The following SYNPO2 variants were observed in gnomAD, a reference collection of about 807,000 sequenced individuals.
SYNPO2 encodes the protein synaptopodin 2, also known as synaptopodin-2.
In SYNPO2, 56 loss-of-function variants were observed where a neutral mutation model predicts 85.0. That is an observed-to-expected ratio of 0.66 (90% CI 0.53 to 0.82). SYNPO2 has a LOEUF of 0.82. Ranked by LOEUF, SYNPO2 falls within the 40% of genes least tolerant of loss-of-function variation. The probability of loss-of-function intolerance (pLI) is 0.00; values close to 1 mark genes in which losing one functional copy is unlikely to be tolerated. For missense variants in SYNPO2, 1,575 were observed against 1,534.2 expected, an observed-to-expected ratio of 1.03 and a Z score of -0.44; for synonymous variants, 602 against 591.1, an observed-to-expected ratio of 1.02 and a Z score of -0.27.
intron 1 of SYNPO2, among the ~76,000 whole-genome samples, chr4:118,918,055 T>C (rs1276887016): frequency 6.6e-6 from 1 of 152,146 alleles, no homozygotes; most frequent in Non-Finnish European, 1.5e-5. Context: ...AGGTGAAGAG[T>C]GCCTGCTGCA....
Position 119,024,308 on chromosome 4 carries a change from A to T in SYNPO2, c.257+727A>T, listed in dbSNP as rs369598108. 9.8e-5 allele frequency among the ~76,000 whole-genome samples: 15 copies of T among 152,356 alleles called. No homozygotes were observed. In the East Asian group the frequency reaches 2.5e-3, roughly 25 times the overall value. ...CAGTACAATCCATACTGATTTTGCAACGGAAGCTCTGGCTATTGCATGATA... is the reference window on the plus strand; with the variant it reads ...CAGTACAATCCATACTGATTTTGCATCGGAAGCTCTGGCTATTGCATGATA... On this transcript the variant is annotated intron_variant, in intron 2 of 4. Coordinates refer to ENST00000307142, the MANE Select transcript of SYNPO2 (RefSeq NM_133477.3).
intron 4 of SYNPO2, among the ~76,000 whole-genome samples, chr4:119,046,855 C>T (rs570350314): frequency 5.0e-4 from 76 of 152,264 alleles, no homozygotes; most frequent in Non-Finnish European, 9.0e-4. Context: ...ACAAGCCTTA[C>T]GCTTTCTCAC....
intron 1 of SYNPO2, among the ~76,000 whole-genome samples, chr4:118,916,559 T>G (rs1733332315): frequency 1.1e-5 from 1 of 91,402 alleles, no homozygotes; most frequent in Non-Finnish European, 2.9e-5. Context: ...AACCTATTAC[T>G]TACTATTAGA....
At chr4:118,895,055 C>T (rs1732508345) in intron 1 of SYNPO2, among the ~76,000 whole-genome samples, 1 of 152,154 alleles carries the variant, frequency 6.6e-6, no homozygotes. Flanking sequence ...GGAGTGTCAA[C>T]TCATTCCATT....
chr4:119,022,662 A>G (rs1264161527), intron 1 of SYNPO2, among the ~76,000 whole-genome samples: 1 of 106,246 alleles, frequency 9.4e-6, no homozygotes, highest in African/African-American at 3.1e-5. Context: ...GGCCTGAATT[A>G]TTTATTTTAT....
At chr4:118,855,645 ATAAT>A (rs562848306) in intron 1 of SYNPO2, among the ~76,000 whole-genome samples, 3 of 152,324 alleles carry the variant, frequency 2.0e-5, no homozygotes, top group South Asian at 2.1e-4. Context: ...GCCATACAAA[ATAAT>A]TAGACTATAG....
chr4:118,869,143 A>C (rs6837460), intron 1 of SYNPO2, among the ~76,000 whole-genome samples: 1 of 151,900 alleles, frequency 6.6e-6, no homozygotes, highest in Admixed American at 6.6e-5. Flanking sequence ...GGCAACCTCC[A>C]CCTCCCAGGT....
chr4:118,911,584 C>T (rs183238393), intron 1 of SYNPO2, among the ~76,000 whole-genome samples: 2 of 152,160 alleles, frequency 1.3e-5, no homozygotes, highest in East Asian at 3.9e-4. Context: ...TGGCAAGTTC[C>T]CATGATAGCA....
chr4:118,854,034 C>A (rs1366682890), intron 1 of SYNPO2, among the ~76,000 whole-genome samples: 1 of 152,106 alleles, frequency 6.6e-6, no homozygotes, highest in Non-Finnish European at 1.5e-5. Context: ...AGCAATGAAC[C>A]AAAAGCTAAG....
chr4:119,030,500 G>A lies in SYNPO2; in HGVS notation c.1725G>A (p.Glu575=), dbSNP rs1011709307. 2 of 1,613,976 alleles carry A rather than the reference G, an allele frequency of 1.2e-6. No individual in the cohort carries two copies. Among genetic ancestry groups the A allele is most frequent in the Admixed American group, 3.3e-5 (2 of 60,004 alleles). The part of the protein sequence containing the change: ...PQQNGFSGTS[E]TANIQRMVPM... ...AGAATGGCTTCAGTGGGACATCTGAGACAGCAAACATCCAGAGGATGGTCC... is the reference window on the plus strand; with the variant it reads ...AGAATGGCTTCAGTGGGACATCTGAAACAGCAAACATCCAGAGGATGGTCC... The change falls in exon 4 of 5, where the codon GAG becomes GAA. Residue 575 remains glutamate, a synonymous_variant. Coordinates refer to ENST00000307142, the MANE Select transcript of SYNPO2 (RefSeq NM_133477.3).
Position 119,031,724 on chromosome 4 carries a change from T to C in SYNPO2, c.2949T>C (p.Asp983=), listed in dbSNP as rs142419460. ...NASLFTFQPP[D]AKDGLPQKSS... is the part of the protein sequence containing the mutation. ...CCTTGTTTACTTTCCAACCTCCAGA[T>C]GCAAAGGATGGCCTCCCCCAGAAGT... is the stretch of plus-strand genomic sequence containing the variant. Residue 983 remains aspartate, a synonymous_variant, in exon 4 of 5, where the codon GAT becomes GAC. Transcript: ENST00000307142. The C allele has an allele frequency of 6.8e-6, 11 of 1,614,086 alleles. No homozygotes were observed. Among genetic ancestry groups the C allele is most frequent in the Non-Finnish European group, 8.5e-6 (10 of 1,180,048 alleles).
rs1739290365 is a variant in SYNPO2 at position 119,058,463 on chromosome 4, A to AATT, written c.*529_*530insATT. ...CCTTGGTGTTAAGTATTTCTCTGCAACTTTTTTTTTTTTTTTTTTTTTTTT... is the reference window on the plus strand; with the variant it reads ...CCTTGGTGTTAAGTATTTCTCTGCAAATTCTTTTTTTTTTTTTTTTTTTTTTTT... On this transcript the variant is annotated 3_prime_UTR_variant, in exon 5 of 5. Transcript: ENST00000307142. 1 of 98,776 alleles carries AATT rather than the reference A, an allele frequency of 1.0e-5. No homozygotes were observed. The highest frequency in any genetic ancestry group is 1.9e-5 in the Non-Finnish European group (1 of 53,292). The allele number at this position is 98,776 out of a possible 1,614,324, so 6.1% of individuals were successfully genotyped here.
At chr4:118,920,354 A>G (rs1325710110) in intron 1 of SYNPO2, among the ~76,000 whole-genome samples, 1 of 152,160 alleles carries the variant, frequency 6.6e-6, no homozygotes, top group Non-Finnish European at 1.5e-5. Flanking sequence ...AGCTCAGGAA[A>G]AGGGAAGGAC....
At chr4:118,945,426 A>G (rs1734466237) in intron 1 of SYNPO2, among the ~76,000 whole-genome samples, 1 of 152,230 alleles carries the variant, frequency 6.6e-6, no homozygotes, top group Non-Finnish European at 1.5e-5. Flanking sequence ...AAAACACACT[A>G]ACTATATCTT....
intron 1 of SYNPO2, among the ~76,000 whole-genome samples, chr4:118,858,114 T>A (rs571995567): frequency 6.6e-6 from 1 of 152,244 alleles, no homozygotes; most frequent in South Asian, 2.1e-4. Context: ...TCCTTTACAA[T>A]CCTCCTTCAT....
At chr4:118,920,257 T>C (rs1389459322) in intron 1 of SYNPO2, among the ~76,000 whole-genome samples, 115 of 152,126 alleles carry the variant, frequency 7.6e-4, no homozygotes, top group Non-Finnish European at 7.4e-5. Flanking sequence ...TAAGGAAAGA[T>C]AAGGAGTTTA....
At chr4:118,920,715 G>A (rs1733504207) in intron 1 of SYNPO2, among the ~76,000 whole-genome samples, 1 of 152,080 alleles carries the variant, frequency 6.6e-6, no homozygotes, top group South Asian at 2.1e-4. Flanking sequence ...GAACAATTTT[G>A]CTGAGGTTAA....
chr4:119,010,265 T>A (rs1414501971), intron 1 of SYNPO2, among the ~76,000 whole-genome samples: 1 of 152,202 alleles, frequency 6.6e-6, no homozygotes, highest in Non-Finnish European at 1.5e-5. Context: ...GATAAAGACA[T>A]ACCCGAGACT....
chr4:118,907,291 G>T (rs1208182720), intron 1 of SYNPO2, among the ~76,000 whole-genome samples: 1 of 152,004 alleles, frequency 6.6e-6, no homozygotes, highest in Non-Finnish European at 1.5e-5. Context: ...TCAAACTTTG[G>T]ATCCAATATG....
Sources: gnomAD v4.1 joint callset for allele counts (sites outside exome capture counted in the v4.1 genomes callset) on GRCh38, gnomAD v4.1.1 for gene constraint, MANE v1.5 for transcripts, NCBI Gene and HGNC (gene_info 2026-07-23, HGNC 2026-07-21) for gene names.